TUBB8B: variants seen among roughly 807,000 people sequenced by gnomAD.
The protein encoded by TUBB8B is HSA18p11 beta-tubulin 4Q pseudogene.
In TUBB8B, 26 loss-of-function variants were observed where a neutral mutation model predicts 31.9. The observed-to-expected ratio is 0.81, with a 90% CI of 0.60 to 1.13. The LOEUF (loss-of-function observed/expected upper bound fraction) is 1.13, where lower values mean the gene tolerates loss of function less well. Among genes scored for constraint, TUBB8B ranks in the 50% most tolerant of loss-of-function variants. The pLI is 0.00. For missense variants in TUBB8B, 467 were observed against 586.7 expected (o/e 0.80, Z 2.11); for synonymous variants, 173 against 231.0 (o/e 0.75, Z 2.28).
the TUBB8B span, among the ~76,000 whole-genome samples, chr18:66,846 G>A: frequency 6.6e-6 from 1 of 152,104 alleles, no homozygotes; most frequent in Admixed American, 6.6e-5. Context: ...AGAATCTGTA[G>A]GTGGCTTTGT....
At chr18:49,656 T>C (rs1373982767), upstream of TUBB8B, 1,444 of 716,056 alleles carry the variant, frequency 2.0e-3, 18 homozygotes, top group South Asian at 5.0e-3. Flanking sequence ...TAGCCCCGCG[T>C]CCACCTCCCT....
At chr18:51,666 C>T (rs1000452976), upstream of TUBB8B, among the ~76,000 whole-genome samples, 6 of 151,794 alleles carry the variant, frequency 4.0e-5, no homozygotes, top group Non-Finnish European at 8.8e-5. Flanking sequence ...CCTCGATTTC[C>T]TCACCTCAGG....
Position 49,498 on chromosome 18 carries a change from A to C in TUBB8B, c.57+3T>G. The C allele has an allele frequency of 1.0e-6, 1 of 960,162 alleles. No homozygotes were observed. Among genetic ancestry groups the C allele is most frequent in the East Asian group, 2.7e-5 (1 of 36,580 alleles). 59.5% of individuals were successfully genotyped at this position (960,162 alleles called of 1,614,324 possible). On this transcript the variant is annotated splice_donor_region_variant and intron_variant, in intron 1 of 3. Transcript: ENST00000308911. ...CTGGGCCCTCAGAGCCCTGGCTGCC[A>C]ACCTTGGCGCCGATCTGGTTCCCGC...
At chr18:49,771 T>C (rs1600578338), upstream of TUBB8B, 1 of 667,668 alleles carries the variant, frequency 1.5e-6, no homozygotes, top group Non-Finnish European at 2.8e-6. Flanking sequence ...AACTCAGGTG[T>C]CCTTGCTATG....
upstream of TUBB8B, among the ~76,000 whole-genome samples, chr18:52,849 G>C (rs1283143960): frequency 6.6e-6 from 1 of 151,784 alleles, no homozygotes; most frequent in Non-Finnish European, 1.5e-5. Flanking sequence ...GGAATGCATT[G>C]TCTTTTGTTA....
At chr18:54,300 T>C (rs1243031867), upstream of TUBB8B, among the ~76,000 whole-genome samples, 1 of 151,804 alleles carries the variant, frequency 6.6e-6, no homozygotes, top group Non-Finnish European at 1.5e-5. Flanking sequence ...GTACATGACA[T>C]ACTTTGATAC....
chr18:53,631 G>C (rs1242675861), upstream of TUBB8B, among the ~76,000 whole-genome samples: 2 of 151,774 alleles, frequency 1.3e-5, no homozygotes, highest in Non-Finnish European at 2.9e-5. Flanking sequence ...ACCACACCCA[G>C]CTAATTTTTG....
chr18:59,465 GTTT>G, the TUBB8B span, among the ~76,000 whole-genome samples: 1 of 150,678 alleles, frequency 6.6e-6, no homozygotes, highest in African/African-American at 2.4e-5. Context: ...TTTTCAAAGG[GTTT>G]ATTATTAAAG....
At chr18:62,701 G>T in the TUBB8B span, among the ~76,000 whole-genome samples, 1 of 151,808 alleles carries the variant, frequency 6.6e-6, no homozygotes, top group Non-Finnish European at 1.5e-5. Context: ...GATTACAGGC[G>T]TGAGCCACTG....
At chr18:53,380 A>G (rs1168548602), upstream of TUBB8B, among the ~76,000 whole-genome samples, 1 of 151,994 alleles carries the variant, frequency 6.6e-6, no homozygotes, top group Non-Finnish European at 1.5e-5. Context: ...GATATAAAGT[A>G]ACAAATGATT....
chr18:48,961 T>C lies in TUBB8B; in HGVS notation c.256A>G (p.Arg86Gly), dbSNP rs1284559371. Residue 86 changes from arginine to glycine, a missense_variant, in exon 3 of 4, where the codon AGG (arginine) becomes GGG (glycine). Arg to Gly is a moderately radical substitution (Grantham distance 125, BLOSUM62 -2). Transcript: ENST00000308911. The stretch of plus-strand genomic sequence containing the variant: ...TCACCGGAAATGAAGTTGTCTGGCC[T>C]GAAGACCTGCCCGAAGGGCCCCGAG... ...VHSGPFGQVFRPDNFISGQCG... is the reference protein window; with the variant it reads ...VHSGPFGQVFGPDNFISGQCG... The C allele has an allele frequency of 6.2e-7, 1 of 1,605,014 alleles. No individual in the cohort carries two copies. Among genetic ancestry groups the C allele is most frequent in the Non-Finnish European group, 8.5e-7 (1 of 1,173,548 alleles).
chr18:47,962 C>T lies in TUBB8B; in HGVS notation c.763G>A (p.Val255Met), dbSNP rs760693769. Residue 255 changes from valine to methionine, a missense_variant, in exon 4 of 4, where the codon GTG (valine) becomes ATG (methionine). Transcript: ENST00000308911. ...QLNADLRKLA[V>M]NMVPFPRLHF... ...AGCCGGGGAAACGGGACCATGTTCA[C>T]GGCCAGCTTCCGCAGGTCAGCATTC... The T allele has an allele frequency of 1.4e-4, 233 of 1,610,656 alleles. No homozygotes were observed. In the African/African-American group the frequency reaches 1.8e-3, roughly 13 times the overall value.
upstream of TUBB8B, among the ~76,000 whole-genome samples, chr18:51,797 C>A (rs796848364): frequency 1.3e-5 from 2 of 151,332 alleles, no homozygotes; most frequent in African/African-American, 4.8e-5. Flanking sequence ...TTGTTCCTCA[C>A]CTGCCTTCTG....
At chr18:66,844 T>C in the TUBB8B span, among the ~76,000 whole-genome samples, 1 of 152,304 alleles carries the variant, frequency 6.6e-6, no homozygotes, top group South Asian at 2.1e-4. Context: ...AAAGAATCTG[T>C]AGGTGGCTTT....
upstream of TUBB8B, chr18:50,091 C>A (rs1461132980): frequency 4.8e-5 from 17 of 355,780 alleles, no homozygotes; most frequent in Non-Finnish European, 8.3e-5. Flanking sequence ...TGGAGATAGT[C>A]AGGCGTCTGA....
At chr18:60,615 A>ATAG in the TUBB8B span, among the ~76,000 whole-genome samples, 5 of 151,726 alleles carry the variant, frequency 3.3e-5, no homozygotes, top group African/African-American at 1.2e-4. Context: ...TCCTTTTATA[A>ATAG]TAGTACCTCT....
At chr18:71,900 T>C in the TUBB8B span, among the ~76,000 whole-genome samples, 1 of 148,932 alleles carries the variant, frequency 6.7e-6, no homozygotes, top group African/African-American at 2.5e-5. Flanking sequence ...GAAAAGAGGC[T>C]GGGCTCAGTG....
the TUBB8B span, among the ~76,000 whole-genome samples, chr18:66,827 G>A: frequency 6.6e-6 from 1 of 152,064 alleles, no homozygotes; most frequent in Non-Finnish European, 1.5e-5. Flanking sequence ...ATTGTAACAG[G>A]ATCCACAAAG....
chr18:72,734 G>A, the TUBB8B span, among the ~76,000 whole-genome samples: 86 of 152,194 alleles, frequency 5.7e-4, 2 homozygotes, highest in Admixed American at 5.6e-3. Flanking sequence ...GGAGGCCGAG[G>A]TGGGTGGATC....
Sources: gnomAD v4.1 joint callset for allele counts (sites outside exome capture counted in the v4.1 genomes callset) on GRCh38, gnomAD v4.1.1 for gene constraint, MANE v1.5 for transcripts, NCBI Gene and HGNC (gene_info 2026-07-23, HGNC 2026-07-21) for gene names.